Variants in EML4 observed in about 807,000 individuals in gnomAD.
The protein encoded by EML4 is EMAP like 4.
A neutral mutation model predicts 129.0 loss-of-function variants in EML4; 72 were observed. The observed-to-expected ratio is 0.56, with a 90% CI of 0.46 to 0.68. The LOEUF (loss-of-function observed/expected upper bound fraction) is 0.68, where lower values mean the gene tolerates loss of function less well. Among genes scored for constraint, EML4 ranks in the 30% least tolerant of loss-of-function variants. The pLI, the probability that EML4 is intolerant of heterozygous loss-of-function variation, is 0.00. For synonymous variants in EML4, 532 were observed against 405.0 expected, an observed-to-expected ratio of 1.31 and a Z score of -3.77; for missense variants, 1,363 against 1,190.6, an observed-to-expected ratio of 1.14 and a Z score of -2.13.
chr2:42,285,467 C>T lies in EML4; in HGVS notation c.1011+764C>T, dbSNP rs199893495. Among the ~76,000 whole-genome samples, 55 of 152,188 alleles carry T rather than the reference C, an allele frequency of 3.6e-4. No homozygotes were observed. The East Asian group carries it at 0.01, about 28-fold the overall frequency. On this transcript the variant is annotated intron_variant, in intron 9 of 22. Transcript: ENST00000318522. ...TCCAGTTTCAAATGCTATTTAAGGG[C>T]TGTTTAGCAGTTTATTGGACATTGA... is the stretch of plus-strand genomic sequence containing the variant.
intron 7 of EML4, among the ~76,000 whole-genome samples, chr2:42,282,350 G>A (rs1357876397): frequency 1.3e-5 from 2 of 148,994 alleles, no homozygotes; most frequent in Non-Finnish European, 3.0e-5. Context: ...GTCAGGTTAC[G>A]CTAGGGATAA....
intron 13 of EML4, among the ~76,000 whole-genome samples, 199 bp downstream of exon 13, chr2:42,295,715 C>T (rs1473453380): frequency 1.3e-5 from 2 of 152,006 alleles, no homozygotes; most frequent in African/African-American, 4.8e-5. Flanking sequence ...TTATATAACC[C>T]ACATTTGACT....
intron 19 of EML4, among the ~76,000 whole-genome samples, chr2:42,320,957 A>G (rs1669484291): frequency 6.6e-6 from 1 of 152,158 alleles, no homozygotes; most frequent in Non-Finnish European, 1.5e-5. Context: ...TTGGAAATAC[A>G]CATCAAAAAG....
At chr2:42,250,392 CT>C (rs1675692438) in intron 2 of EML4, among the ~76,000 whole-genome samples, 1 of 152,140 alleles carries the variant, frequency 6.6e-6, no homozygotes, top group Admixed American at 6.6e-5. Flanking sequence ...CATAGGTTTG[CT>C]GTAAATGTTA....
intron 1 of EML4, among the ~76,000 whole-genome samples, chr2:42,228,992 G>C (rs114250921): frequency 2.0e-5 from 3 of 152,088 alleles, no homozygotes; most frequent in African/African-American, 7.2e-5. Flanking sequence ...ATGAAATTTA[G>C]TGAGTAAACA....
At chr2:42,326,303 A>G (rs747214501) in intron 21 of EML4, 51 bp downstream of exon 21, 2 of 1,256,532 alleles carry the variant, frequency 1.6e-6, no homozygotes, top group Admixed American at 2.0e-5. Context: ...TTTTTTATAT[A>G]TAATATTTAC....
chr2:42,224,154 G>C (rs1218322396), intron 1 of EML4, among the ~76,000 whole-genome samples: 1 of 152,022 alleles, frequency 6.6e-6, no homozygotes, highest in Non-Finnish European at 1.5e-5. Context: ...ATCCATTTTA[G>C]AATATTTTTA....
At chr2:42,227,267 G>A (rs1388862666) in intron 1 of EML4, among the ~76,000 whole-genome samples, 1 of 151,914 alleles carries the variant, frequency 6.6e-6, no homozygotes, top group Non-Finnish European at 1.5e-5. Context: ...TGAGACTACT[G>A]GCATACACCT....
rs1258235813 is a variant in EML4, at chr2:42,331,027, G to A, written c.*820G>A. 4.7e-6 allele frequency: 1 copy of A among 214,630 alleles called. No homozygotes were observed. Among genetic ancestry groups the A allele is most frequent in the Non-Finnish European group, 9.4e-6 (1 of 106,064 alleles). The allele number at this position is 214,630 out of a possible 1,614,324, so 13.3% of individuals were successfully genotyped here. On this transcript the variant is annotated 3_prime_UTR_variant, in exon 23 of 23. Transcript: ENST00000318522. ...TCAAATGTTTGAGATTCAAGTGAAT[G>A]GAAGGAAAACCACATGCCTTTAAAA...
At chr2:42,257,056 T>A (rs1676199761) in intron 3 of EML4, among the ~76,000 whole-genome samples, 1 of 152,192 alleles carries the variant, frequency 6.6e-6, no homozygotes, top group South Asian at 2.1e-4. Context: ...TTTTATTTTT[T>A]AACCATAACT....
chr2:42,301,931 T>C (rs887854868), intron 14 of EML4, among the ~76,000 whole-genome samples: 1 of 152,184 alleles, frequency 6.6e-6, no homozygotes, highest in South Asian at 2.1e-4. Flanking sequence ...TCTAGTTCAC[T>C]CCTTCCTTTC....
In EML4 at chr2:42,302,969, G is replaced by A. The variant is rs1668375460; in HGVS notation, c.1642-135G>A. ...TCATTGGACAAATAAATTAGTAGTA[G>A]TATGAGATTACCATATCCAAATTTG... On this transcript the variant is annotated intron_variant, in intron 14 of 22. Transcript: ENST00000318522. The A allele has an allele frequency of 4.3e-6, 3 of 691,012 alleles. No individual in the cohort carries two copies. In the East Asian group the frequency reaches 7.8e-5, roughly 18 times the overall value. The allele number at this position is 691,012 out of a possible 1,614,324, so 42.8% of individuals were successfully genotyped here.
intron 1 of EML4, among the ~76,000 whole-genome samples, chr2:42,193,724 C>G (rs1392133785): frequency 1.3e-5 from 2 of 150,434 alleles, no homozygotes; most frequent in Non-Finnish European, 3.0e-5. Context: ...CTTGGTATGT[C>G]ACCTAGGCTG....
intron 1 of EML4, among the ~76,000 whole-genome samples, chr2:42,187,842 T>C (rs1272752631): frequency 6.6e-6 from 1 of 152,200 alleles, no homozygotes; most frequent in African/African-American, 2.4e-5. Flanking sequence ...ATGAAATCCA[T>C]TTATCAGTTT....
At chr2:42,212,600 T>C (rs1672948255) in intron 1 of EML4, among the ~76,000 whole-genome samples, 1 of 152,228 alleles carries the variant, frequency 6.6e-6, no homozygotes, top group Non-Finnish European at 1.5e-5. Flanking sequence ...TAATTTCTTT[T>C]AATTTAGATC....
intron 3 of EML4, among the ~76,000 whole-genome samples, chr2:42,259,003 T>C (rs1399576241): frequency 6.6e-6 from 1 of 152,044 alleles, no homozygotes; most frequent in Non-Finnish European, 1.5e-5. Flanking sequence ...TCCCAGCACT[T>C]TGGGAGGCTG....
At chr2:42,279,686 C>T (rs1168975656) in intron 6 of EML4, among the ~76,000 whole-genome samples, 3 of 151,836 alleles carry the variant, frequency 2.0e-5, no homozygotes, top group African/African-American at 4.8e-5. Context: ...GTGTTAGCCA[C>T]GATGGTCTCA....
In EML4 at chr2:42,284,590, T is replaced by G. The variant is rs768934945; in HGVS notation, c.942-44T>G. On this transcript the variant is annotated intron_variant, in intron 8 of 22. Coordinates refer to ENST00000318522, the MANE Select transcript of EML4 (RefSeq NM_019063.5). ...GTCAGTACAAAGGTATTCTGTTGTTTCATGTTTCCTGTGTTTAAAATCATT... is the reference window on the plus strand; with the variant it reads ...GTCAGTACAAAGGTATTCTGTTGTTGCATGTTTCCTGTGTTTAAAATCATT... The G allele has an allele frequency of 2.1e-6, 3 of 1,416,638 alleles. No individual in the cohort carries two copies. The African/African-American group carries it at 4.3e-5, about 20-fold the overall frequency. The allele number at this position is 1,416,638 out of a possible 1,614,324, so 87.8% of individuals were successfully genotyped here.
chr2:42,192,640 T>C (rs966224094), intron 1 of EML4, among the ~76,000 whole-genome samples: 3 of 152,184 alleles, frequency 2.0e-5, no homozygotes, highest in African/African-American at 7.2e-5. Flanking sequence ...GCCTCTTTGA[T>C]TGCAATATGA....
Sources: allele counts gnomAD v4.1 joint callset (sites outside exome capture counted in the v4.1 genomes callset), GRCh38; gene constraint gnomAD v4.1.1; transcripts MANE v1.5; gene names NCBI Gene and HGNC (gene_info 2026-07-23, HGNC 2026-07-21).